The following FIP1L1 variants were observed in gnomAD, a reference collection of about 807,000 sequenced individuals.
FIP1L1 encodes pre-mRNA 3'-end-processing factor FIP1.
Under a neutral mutation model 84.6 loss-of-function variants are expected in FIP1L1, and 21 were observed. The ratio of observed to expected loss-of-function variants is 0.25; its 90% CI spans 0.18 to 0.36. The LOEUF (loss-of-function observed/expected upper bound fraction) is 0.36. Among genes scored for constraint, FIP1L1 ranks in the 10% least tolerant of loss-of-function variants. The pLI is 1.00. For missense variants in FIP1L1, 526 were observed against 751.1 expected, an observed-to-expected ratio of 0.70 and a Z score of 3.50; for synonymous variants, 263 against 242.3, an observed-to-expected ratio of 1.09 and a Z score of -0.80.
intron 11 of FIP1L1, among the ~76,000 whole-genome samples, chr4:53,421,939 T>A (rs1029480324): frequency 1.3e-5 from 2 of 152,188 alleles, no homozygotes; most frequent in Non-Finnish European, 2.9e-5. Context: ...AAAAGCACAG[T>A]TACATTATTA....
intron 10 of FIP1L1, among the ~76,000 whole-genome samples, chr4:53,402,893 AG>A (rs1751038242): frequency 6.6e-6 from 1 of 152,226 alleles, no homozygotes; most frequent in South Asian, 2.1e-4. Flanking sequence ...ACAGTAACGA[AG>A]GCAGGATACA....
chr4:53,419,317 CTG>C (rs1761147978), intron 11 of FIP1L1, among the ~76,000 whole-genome samples: 1 of 152,092 alleles, frequency 6.6e-6, no homozygotes, highest in Non-Finnish European at 1.5e-5. Flanking sequence ...ATGATAAACA[CTG>C]TTGAAGAAGA....
At chr4:53,387,564 TC>T (rs1445036445) in intron 5 of FIP1L1, among the ~76,000 whole-genome samples, 2 of 152,228 alleles carry the variant, frequency 1.3e-5, no homozygotes, top group African/African-American at 4.8e-5. Flanking sequence ...CTGCAATTTT[TC>T]ATACCACTAA....
chr4:53,460,075 G>A lies in FIP1L1; in HGVS notation c.*626G>A. 1 of 199,430 alleles carries A rather than the reference G, an allele frequency of 5.0e-6. No homozygotes were observed. 12.4% of individuals were successfully genotyped at this position (199,430 alleles called of 1,614,324 possible). The stretch of plus-strand genomic sequence containing the variant: ...GAAATAAATTAATTAATTACCCATA[G>A]TGTAGTTTCTAGGAGGCATGTGTAC... On this transcript the variant is annotated 3_prime_UTR_variant, in exon 18 of 18. Transcript: ENST00000337488.
At chr4:53,429,676 A>T (rs1765734333) in intron 13 of FIP1L1, among the ~76,000 whole-genome samples, 1 of 152,164 alleles carries the variant, frequency 6.6e-6, no homozygotes, top group South Asian at 2.1e-4. Flanking sequence ...AAAACTTTTT[A>T]AAAATTTTAT....
At chr4:53,420,552 A>G (rs1340034144) in intron 11 of FIP1L1, among the ~76,000 whole-genome samples, 1 of 152,030 alleles carries the variant, frequency 6.6e-6, no homozygotes, top group African/African-American at 2.4e-5. Context: ...ATGTCCAGAA[A>G]AGTGTTTTGA....
At chr4:53,424,388 G>GT (rs750253800) in intron 11 of FIP1L1, among the ~76,000 whole-genome samples, 1 of 152,032 alleles carries the variant, frequency 6.6e-6, no homozygotes, top group Non-Finnish European at 1.5e-5. Flanking sequence ...TTGGATTTTT[G>GT]TAACATGTGA....
At chr4:53,415,115 C>G (rs540194924) in intron 11 of FIP1L1, among the ~76,000 whole-genome samples, 6 of 152,254 alleles carry the variant, frequency 3.9e-5, no homozygotes, top group South Asian at 2.1e-4. Context: ...AAATTTGACT[C>G]TACTGAATCT....
chr4:53,446,669 A>G (rs191765919), intron 15 of FIP1L1, among the ~76,000 whole-genome samples: 146 of 152,268 alleles, frequency 9.6e-4, no homozygotes, highest in African/African-American at 3.4e-3. Flanking sequence ...TGATTGTTTT[A>G]CTATTTTAAT....
chr4:53,382,986 A>G (rs1165452634), intron 4 of FIP1L1, among the ~76,000 whole-genome samples: 2 of 151,748 alleles, frequency 1.3e-5, no homozygotes, highest in African/African-American at 4.8e-5. Context: ...CTGAGCTTCT[A>G]CTTAACTATT....
intron 5 of FIP1L1, among the ~76,000 whole-genome samples, chr4:53,387,072 A>G (rs1355351538): frequency 1.3e-5 from 2 of 152,234 alleles, no homozygotes; most frequent in African/African-American, 4.8e-5. Flanking sequence ...GACATTGACT[A>G]ATAGATGTGA....
intron 13 of FIP1L1, among the ~76,000 whole-genome samples, chr4:53,437,735 TA>T (rs1477727067): frequency 1.3e-5 from 2 of 151,894 alleles, no homozygotes; most frequent in African/African-American, 4.8e-5. Context: ...TATTTTATTT[TA>T]TTTTTTTGAG....
intron 15 of FIP1L1, among the ~76,000 whole-genome samples, chr4:53,444,355 A>T (rs964843153): frequency 3.3e-5 from 5 of 152,204 alleles, no homozygotes; most frequent in African/African-American, 1.2e-4. Context: ...TTCTAAAAGG[A>T]TTTAGGATTT....
intron 13 of FIP1L1, chr4:53,442,209 T>G (rs1772249889): frequency 6.5e-6 from 1 of 154,914 alleles, no homozygotes. Flanking sequence ...TAAGATTTTA[T>G]TTATAAATTA....
intron 13 of FIP1L1, among the ~76,000 whole-genome samples, chr4:53,431,944 C>T (rs73250965): frequency 0.015 from 2,347 of 152,192 alleles, 32 homozygotes; most frequent in Non-Finnish European, 0.024. Flanking sequence ...TGAAACTTTG[C>T]TAGTAACACA....
chr4:53,436,556 T>C (rs1769287617), intron 13 of FIP1L1, among the ~76,000 whole-genome samples: 1 of 152,080 alleles, frequency 6.6e-6, no homozygotes, highest in South Asian at 2.1e-4. Flanking sequence ...TTTTTGTGTG[T>C]GGTAGAAATA....
At chr4:53,454,911 A>G (rs1485605006) in intron 16 of FIP1L1, among the ~76,000 whole-genome samples, 1 of 152,190 alleles carries the variant, frequency 6.6e-6, no homozygotes, top group East Asian at 1.9e-4. Context: ...TAGTGGAGCT[A>G]CCTTCATCAG....
chr4:53,409,503 G>C (rs1578494779), intron 10 of FIP1L1, among the ~76,000 whole-genome samples: 1 of 152,326 alleles, frequency 6.6e-6, no homozygotes, highest in Admixed American at 6.5e-5. Context: ...GCTGCGTGCT[G>C]GGAGAACCAC....
chr4:53,440,667 T>C, intron 13 of FIP1L1: 2 of 1,199,934 alleles, frequency 1.7e-6, no homozygotes, highest in Non-Finnish European at 1.2e-6. Context: ...TTCAAGCTTA[T>C]AGTTACAGGA....
Sources: allele counts gnomAD v4.1 joint callset (sites outside exome capture counted in the v4.1 genomes callset), GRCh38; gene constraint gnomAD v4.1.1; transcripts MANE v1.5; gene names NCBI Gene and HGNC (gene_info 2026-07-23, HGNC 2026-07-21).